ACOT1: variants seen among roughly 807,000 people sequenced by gnomAD.
ACOT1 encodes the protein acyl-CoA thioesterase 1.
A neutral mutation model predicts 15.7 loss-of-function variants in ACOT1; 8 were observed. The observed-to-expected ratio is 0.51, with a 90% CI of 0.30 to 0.92. The LOEUF (loss-of-function observed/expected upper bound fraction) is 0.92, where lower values mean the gene tolerates loss of function less well. Among genes scored for constraint, ACOT1 ranks in the 40% least tolerant of loss-of-function variants. The pLI, the probability that ACOT1 is intolerant of heterozygous loss-of-function variation, is 0.06. For synonymous variants in ACOT1, 67 were observed against 241.2 expected (o/e 0.28, Z 6.69); for missense variants, 151 against 539.4 (o/e 0.28, Z 7.13).
At chr14:73,501,777 G>A in the ACOT1 span, among the ~76,000 whole-genome samples, 7 of 150,900 alleles carry the variant, frequency 4.6e-5, no homozygotes, top group Non-Finnish European at 8.8e-5. Context: ...TTTTTGAGAC[G>A]GAGTCTCACT....
chr14:73,496,523 T>C, the ACOT1 span: 2 of 850,942 alleles, frequency 2.4e-6, no homozygotes, highest in Non-Finnish European at 4.1e-6. Flanking sequence ...GGTATGTACA[T>C]GTTTGAGGAG....
chr14:73,511,109 G>T, the ACOT1 span, among the ~76,000 whole-genome samples: 1 of 152,188 alleles, frequency 6.6e-6, no homozygotes, highest in African/African-American at 2.4e-5. Flanking sequence ...AAGGGGAAAG[G>T]TTTGTTATCC....
chr14:73,521,507 C>T, the ACOT1 span, among the ~76,000 whole-genome samples: 1 of 152,164 alleles, frequency 6.6e-6, no homozygotes, highest in Non-Finnish European at 1.5e-5. Context: ...GTATTCCCAG[C>T]ACTTTGCAGA....
At chr14:73,523,334 G>T in the ACOT1 span, 1 of 583,482 alleles carries the variant, frequency 1.7e-6, no homozygotes, top group Non-Finnish European at 3.0e-6. Context: ...AGGGGGTGGG[G>T]AAGAGCCATG....
At chr14:73,526,199 A>T in the ACOT1 span, among the ~76,000 whole-genome samples, 1 of 152,148 alleles carries the variant, frequency 6.6e-6, no homozygotes, top group African/African-American at 2.4e-5. Flanking sequence ...GCACAGCACT[A>T]CACTGAGCAG....
the ACOT1 span, chr14:73,508,110 T>G: frequency 6.2e-7 from 1 of 1,611,188 alleles, no homozygotes; most frequent in Non-Finnish European, 8.5e-7. Context: ...CAAAACTGTG[T>G]CTGACCCGGT....
chr14:73,535,462 CTTCTTTCTTTTTTTTTT>C (rs1888825980), upstream of ACOT1, among the ~76,000 whole-genome samples: 16 of 59,328 alleles, frequency 2.7e-4, 5 homozygotes, highest in African/African-American at 6.9e-4. Context: ...TTTTCTTTTT[CTTCTTTCTTTTTTTTTT>C]TTTTTTTTTT....
At chr14:73,508,315 A>T in the ACOT1 span, 2,209 of 1,611,630 alleles carry the variant, frequency 1.4e-3, 4 homozygotes, top group Non-Finnish European at 1.7e-3. Context: ...TGGGTGAAAA[A>T]GAGTTCAGAA....
chr14:73,521,403 A>G, the ACOT1 span, among the ~76,000 whole-genome samples: 1 of 152,100 alleles, frequency 6.6e-6, no homozygotes, highest in African/African-American at 2.4e-5. Flanking sequence ...CACTCTGTCT[A>G]TTCTGTGTGT....
chr14:73,511,863 CA>C, the ACOT1 span: 1 of 846,376 alleles, frequency 1.2e-6, no homozygotes, highest in Non-Finnish European at 1.8e-6. Context: ...TGCTGATAAG[CA>C]TGTATATATA....
At chr14:73,521,061 G>A in the ACOT1 span, 4 of 1,599,784 alleles carry the variant, frequency 2.5e-6, no homozygotes, top group South Asian at 3.3e-5. Context: ...TGAGAAAGGA[G>A]GGAAAAGGGG....
chr14:73,542,406 T>TC (rs1280124497), intron 2 of ACOT1, among the ~76,000 whole-genome samples: 2 of 102,718 alleles, frequency 1.9e-5, no homozygotes, highest in African/African-American at 6.6e-5. Context: ...TTTCTTTCTT[T>TC]TTTTTTTTTT....
At chr14:73,528,646 C>T in the ACOT1 span, among the ~76,000 whole-genome samples, 1 of 152,046 alleles carries the variant, frequency 6.6e-6, no homozygotes, top group African/African-American at 2.4e-5. Context: ...CTGTAGTTTC[C>T]CAATCTGAAA....
the ACOT1 span, among the ~76,000 whole-genome samples, chr14:73,498,706 G>A: frequency 1.3e-5 from 2 of 152,210 alleles, no homozygotes; most frequent in African/African-American, 2.4e-5. Flanking sequence ...AAGGGGCAGG[G>A]TTTTAGGTCT....
the ACOT1 span, chr14:73,496,661 C>A: frequency 9.5e-5 from 151 of 1,585,528 alleles, 1 homozygote; most frequent in African/African-American, 1.9e-3. Context: ...TGAGTATCTT[C>A]ATTGTCTGGT....
chr14:73,512,157 G>A, the ACOT1 span: 77 of 1,613,772 alleles, frequency 4.8e-5, 1 homozygote, highest in Non-Finnish European at 5.9e-5. Flanking sequence ...TGACTGAGCC[G>A]CAGTGAGGGA....
chr14:73,506,685 CA>C, the ACOT1 span: 8,321 of 707,128 alleles, frequency 0.012, 153 homozygotes, highest in Admixed American at 0.047. Context: ...AGTGGGCTTA[CA>C]AGAGATGGGG....
chr14:73,502,200 G>A, the ACOT1 span, among the ~76,000 whole-genome samples: 1 of 151,918 alleles, frequency 6.6e-6, no homozygotes, highest in African/African-American at 2.4e-5. Flanking sequence ...GGCCTCCTGT[G>A]CAGTCTTATC....
the ACOT1 span, chr14:73,491,845 C>A: frequency 6.2e-7 from 1 of 1,609,548 alleles, no homozygotes; most frequent in South Asian, 1.1e-5. Context: ...AGACCCTGAA[C>A]CCACCCGGCC....
Sources: allele counts gnomAD v4.1 joint callset (sites outside exome capture counted in the v4.1 genomes callset), GRCh38; gene constraint gnomAD v4.1.1; transcripts MANE v1.5; gene names NCBI Gene and HGNC (gene_info 2026-07-23, HGNC 2026-07-21).